The following LCA5L variants were observed in gnomAD, a reference collection of about 807,000 sequenced individuals.
LCA5L encodes lebercilin LCA5 like, also known as lebercilin-like protein.
LCA5L carries 35 observed loss-of-function variants against 45.4 expected under a neutral mutation model. That is an observed-to-expected ratio of 0.77 (90% confidence interval 0.59 to 1.02). The LOEUF (loss-of-function observed/expected upper bound fraction) is 1.02. Among genes scored for constraint, LCA5L ranks in the 50% least tolerant of loss-of-function variants. LCA5L has a pLI of 0.00. For missense variants in LCA5L, 668 were observed against 761.6 expected (o/e 0.88, Z 1.45); for synonymous variants, 233 against 264.7 (o/e 0.88, Z 1.16).
At chr21:39,418,220 A>G (rs978367881) in intron 7 of LCA5L, among the ~76,000 whole-genome samples, 9 of 152,160 alleles carry the variant, frequency 5.9e-5, no homozygotes, top group African/African-American at 2.2e-4. Context: ...TCAAGATGAG[A>G]TTTGGGTGGG....
chr21:39,444,816 CCAG>C (rs2077269916), intron 1 of LCA5L: 1 of 152,272 alleles, frequency 6.6e-6, no homozygotes, highest in African/African-American at 2.4e-5. Flanking sequence ...GATGGAATTT[CCAG>C]CAACTATGAT....
intron 10 of LCA5L, among the ~76,000 whole-genome samples, chr21:39,408,905 C>T (rs1231303220): frequency 6.6e-6 from 1 of 152,046 alleles, no homozygotes; most frequent in East Asian, 1.9e-4. Context: ...GGTAATATTG[C>T]CCTTTGCTCA....
chr21:39,420,053 ATTAC>A (rs530375487), intron 7 of LCA5L, among the ~76,000 whole-genome samples: 54 of 152,208 alleles, frequency 3.5e-4, no homozygotes, highest in Non-Finnish European at 6.8e-4. Context: ...CAAACGCTGT[ATTAC>A]TTAACGTGAT....
chr21:39,410,629 C>T (rs2039925795), intron 8 of LCA5L, among the ~76,000 whole-genome samples: 1 of 152,112 alleles, frequency 6.6e-6, no homozygotes, highest in Non-Finnish European at 1.5e-5. Context: ...GAGGACAAGG[C>T]TGTCCTTTGT....
intron 7 of LCA5L, among the ~76,000 whole-genome samples, chr21:39,412,234 C>T (rs567672092): frequency 6.6e-6 from 1 of 152,126 alleles, no homozygotes; most frequent in Non-Finnish European, 1.5e-5. Flanking sequence ...CTAGTGACTA[C>T]AGTATTGGAT....
rs57943785 is a variant in LCA5L at position 39,418,354 on chromosome 21, T to C, written c.975+2352A>G. On this transcript the variant is annotated intron_variant, in intron 7 of 10. Transcript: ENST00000288350. ...GATTCTTCATTGCTGTTTACAGATA[T>C]ATAGATATCCATTGTGTGGAGGTAC... 4.2e-3 allele frequency among the ~76,000 whole-genome samples: 634 copies of C among 152,308 alleles called. 6 individuals are homozygous for C. Among genetic ancestry groups the C allele is most frequent in the African/African-American group, 0.015 (614 of 41,570 alleles).
At chr21:39,415,890 G>T (rs2837016) in intron 7 of LCA5L, among the ~76,000 whole-genome samples, 1 of 151,906 alleles carries the variant, frequency 6.6e-6, no homozygotes, top group Admixed American at 6.6e-5. Context: ...TCTTTTTTCA[G>T]TTGGTAGGTA....
chr21:39,407,240 A>C (rs1184297967), intron 10 of LCA5L, among the ~76,000 whole-genome samples: 1 of 152,194 alleles, frequency 6.6e-6, no homozygotes, highest in Non-Finnish European at 1.5e-5. Context: ...AAAACAAAAC[A>C]AAACAGAACA....
chr21:39,416,165 A>G (rs920528970), intron 7 of LCA5L, among the ~76,000 whole-genome samples: 1 of 152,216 alleles, frequency 6.6e-6, no homozygotes, highest in Non-Finnish European at 1.5e-5. Flanking sequence ...TCGTTCATAC[A>G]GGGAAGGTAA....
intron 3 of LCA5L, among the ~76,000 whole-genome samples, chr21:39,430,837 A>G (rs1287664926): frequency 1.3e-5 from 2 of 152,202 alleles, no homozygotes; most frequent in East Asian, 3.8e-4. Flanking sequence ...TTATTTCTGT[A>G]GACCAATGAG....
At chr21:39,423,755 G>A (rs2074140233) in intron 5 of LCA5L, among the ~76,000 whole-genome samples, 1 of 152,080 alleles carries the variant, frequency 6.6e-6, no homozygotes, top group Non-Finnish European at 1.5e-5. Context: ...TACATCATTT[G>A]TCCAAGATTA....
chr21:39,417,096 G>C (rs1231137347), intron 7 of LCA5L, among the ~76,000 whole-genome samples: 6 of 152,286 alleles, frequency 3.9e-5, no homozygotes, highest in Admixed American at 2.0e-4. Flanking sequence ...GCAATGGCAC[G>C]ATCTTAGCTC....
intron 2 of LCA5L, among the ~76,000 whole-genome samples, chr21:39,442,437 A>G (rs2076961579): frequency 6.6e-6 from 1 of 152,176 alleles, no homozygotes; most frequent in Non-Finnish European, 1.5e-5. Flanking sequence ...GGGTGGCATA[A>G]TCAGCTCTGC....
intron 5 of LCA5L, 84 bp downstream of exon 5, chr21:39,428,088 T>A: frequency 1.3e-6 from 1 of 758,776 alleles, no homozygotes; most frequent in East Asian, 2.5e-5. Flanking sequence ...TAAAACTGAG[T>A]ATGAACCACT....
At chr21:39,423,599 TACAC>T in intron 5 of LCA5L, 109 bp from the exon 6 acceptor site, 1 of 891,604 alleles carries the variant, frequency 1.1e-6, no homozygotes, top group South Asian at 2.1e-5. Context: ...ACCACACACA[TACAC>T]ACAAGCGTAA....
chr21:39,420,921 C>T, intron 6 of LCA5L, 78 bp from the exon 7 acceptor site: 1 of 1,119,974 alleles, frequency 8.9e-7, no homozygotes, highest in Non-Finnish European at 1.3e-6. Flanking sequence ...GAACTAACTA[C>T]ATTTATGAAA....
In LCA5L at chr21:39,405,855, C is replaced by T; in HGVS notation, c.*27G>A. 1 of 1,478,708 alleles carries T rather than the reference C, an allele frequency of 6.8e-7. No homozygotes were observed. The highest frequency in any genetic ancestry group is 9.1e-7 in the Non-Finnish European group (1 of 1,097,286). 91.6% of individuals were successfully genotyped at this position (1,478,708 alleles called of 1,614,324 possible). A position where few individuals can be genotyped will look rare whatever the true frequency, so the allele number is the denominator to read the frequency against. ...GCACATAAGCAGCATTATATCAAACCAGAATGCATTAGGATATTGATTATA... is the reference window on the plus strand; with the variant it reads ...GCACATAAGCAGCATTATATCAAACTAGAATGCATTAGGATATTGATTATA... On this transcript the variant is annotated 3_prime_UTR_variant, in exon 11 of 11. Transcript: ENST00000288350.
chr21:39,415,976 C>T (rs949331011), intron 7 of LCA5L, among the ~76,000 whole-genome samples: 2 of 152,108 alleles, frequency 1.3e-5, no homozygotes, highest in African/African-American at 2.4e-5. Context: ...TGTCAGGAAG[C>T]GCGTATCTCT....
rs2039052015 is a variant in LCA5L, at chr21:39,406,231, G to A, written c.1664C>T (p.Thr555Ile). 2 of 1,614,114 alleles carry A rather than the reference G, an allele frequency of 1.2e-6. No homozygotes were observed. The highest frequency in any genetic ancestry group is 1.7e-5 in the Admixed American group (1 of 60,006). Reference sequence around the variant, plus strand: ...CTCTCTGTTACTGAGATGCTTGCCTGTACTATGACTGTACCTCATGTTGCC... The same window carrying A: ...CTCTCTGTTACTGAGATGCTTGCCTATACTATGACTGTACCTCATGTTGCC... ...NAGNMRYSHSTGKHLSNREEM... is the reference protein window; with the variant it reads ...NAGNMRYSHSIGKHLSNREEM... Residue 555 changes from threonine (T) to isoleucine (I), a missense_variant, in exon 11 of 11, where the codon ACA becomes ATA. By Grantham distance (89) the Thr-to-Ile change is moderately conservative (BLOSUM62 -1). Transcript: ENST00000288350.
Sources: gnomAD v4.1 joint callset for allele counts (sites outside exome capture counted in the v4.1 genomes callset) on GRCh38, gnomAD v4.1.1 for gene constraint, MANE v1.5 for transcripts, NCBI Gene and HGNC (gene_info 2026-07-23, HGNC 2026-07-21) for gene names.